The following RAB22A variants were observed in gnomAD, a reference collection of about 807,000 sequenced individuals.
RAB22A encodes RAB22A, member RAS oncogene family, also known as ras-related protein Rab-22A.
Under a neutral mutation model 30.2 loss-of-function variants are expected in RAB22A, and 13 were observed. The observed-to-expected ratio is 0.43, with a 90% confidence interval of 0.28 to 0.68. The LOEUF is 0.68. RAB22A is among the 30% of genes least tolerant of loss of function. The pLI is 0.18. For missense variants in RAB22A, 177 were observed against 246.8 expected (o/e 0.72, Z 1.89); for synonymous variants, 89 against 87.2 (o/e 1.02, Z -0.11).
At position 58,362,031 on chromosome 20, in the gene RAB22A, A is replaced by G. The variant is rs1987235906; in HGVS notation, c.*2328A>G. On this transcript the variant is annotated 3_prime_UTR_variant, in exon 7 of 7. Coordinates refer to ENST00000244040, the MANE Select transcript of RAB22A (RefSeq NM_020673.3). ...CATATGTAGGGTGTGATTCTGTTTT[A>G]TTATAGCCACATGTTTTATTAACAG... The G allele has an allele frequency of 6.6e-6, 1 of 152,022 alleles. No individual in the cohort carries two copies. Among genetic ancestry groups the G allele is most frequent in the Non-Finnish European group, 1.5e-5 (1 of 67,984 alleles). 9.4% of individuals were successfully genotyped at this position (152,022 alleles called of 1,614,324 possible).
chr20:58,365,537 A>T lies in RAB22A; in HGVS notation c.*5834A>T, dbSNP rs531975716. ...ATTCACTTACCTTGTATATGAACTT[A>T]TGACATTAGAGTTTGTGAAACTGTC... is the stretch of plus-strand genomic sequence containing the variant. On this transcript the variant is annotated 3_prime_UTR_variant, in exon 7 of 7. Transcript: ENST00000244040. 6.6e-6 allele frequency: 1 copy of T among 152,282 alleles called. No individual in the cohort carries two copies. The highest frequency in any genetic ancestry group is 6.5e-5 in the Admixed American group (1 of 15,292). The allele number at this position is 152,282 out of a possible 1,614,324, so 9.4% of individuals were successfully genotyped here. A position where few individuals can be genotyped will look rare whatever the true frequency, so the allele number is the denominator to read the frequency against.
Position 58,359,931 on chromosome 20 carries a change from C to T in RAB22A, c.*228C>T, listed in dbSNP as rs563422682. On this transcript the variant is annotated 3_prime_UTR_variant, in exon 7 of 7. Transcript: ENST00000244040. ...TCTCTAGTGTACAAAGGGACTACATCGTTGGCTTTTGACCTTGCTGAAAAG... is the reference window on the plus strand; with the variant it reads ...TCTCTAGTGTACAAAGGGACTACATTGTTGGCTTTTGACCTTGCTGAAAAG... 6 of 274,584 alleles carry T rather than the reference C, an allele frequency of 2.2e-5. No individual in the cohort carries two copies. The highest frequency in any genetic ancestry group is 1.1e-4 in the South Asian group (1 of 9,264). 17.0% of individuals were successfully genotyped at this position (274,584 alleles called of 1,614,324 possible). A position where few individuals can be genotyped will look rare whatever the true frequency, so the allele number is the denominator to read the frequency against.
Position 58,353,269 on chromosome 20 carries a change from G to A in RAB22A, c.199-4G>A, listed in dbSNP as rs377161697. 1.9e-6 allele frequency: 3 copies of A among 1,612,292 alleles called. No homozygotes were observed. The highest frequency in any genetic ancestry group is 1.3e-5 in the African/African-American group (1 of 74,788). On this transcript the variant is annotated splice_polypyrimidine_tract_variant and splice_region_variant and intron_variant, in intron 3 of 6. Coordinates refer to ENST00000244040, the MANE Select transcript of RAB22A (RefSeq NM_020673.3). The stretch of plus-strand genomic sequence containing the variant: ...TTTTGTTTATTTTTCCCCCTCCTCT[G>A]CAGTTTCGTGCCTTAGCACCAATGT...
At position 58,362,446 on chromosome 20, in the gene RAB22A, G is replaced by A. The variant is rs1033803673; in HGVS notation, c.*2743G>A. The A allele has an allele frequency of 6.6e-6, 1 of 152,162 alleles. No individual in the cohort carries two copies. The highest frequency in any genetic ancestry group is 2.4e-5 in the African/African-American group (1 of 41,434). The allele number at this position is 152,162 out of a possible 1,614,324, so 9.4% of individuals were successfully genotyped here. ...ATACTCCCATCTATAAACATGTTTG[G>A]TTTTCTTACGATACAGGGCCATTTT... On this transcript the variant is annotated 3_prime_UTR_variant, in exon 7 of 7. Transcript: ENST00000244040.
At chr20:58,331,672 C>G (rs1986662738) in intron 2 of RAB22A, among the ~76,000 whole-genome samples, 1 of 151,332 alleles carries the variant, frequency 6.6e-6, no homozygotes, top group African/African-American at 2.4e-5. Context: ...TTTTTTTAAT[C>G]CTTTGGTTTC....
rs1184221880 is a variant in RAB22A at position 58,361,067 on chromosome 20, T to G, written c.*1364T>G. The G allele has an allele frequency of 1.3e-5, 2 of 152,636 alleles. No homozygotes were observed. Among genetic ancestry groups the G allele is most frequent in the African/African-American group, 4.8e-5 (2 of 41,438 alleles). The allele number at this position is 152,636 out of a possible 1,614,324, so 9.5% of individuals were successfully genotyped here. The stretch of plus-strand genomic sequence containing the variant: ...CTGCCTCTGTTAGTGGTTAACACTC[T>G]TTTCCCTCAGGGAGCCTAATGAGGT... On this transcript the variant is annotated 3_prime_UTR_variant, in exon 7 of 7. Coordinates refer to ENST00000244040, the MANE Select transcript of RAB22A (RefSeq NM_020673.3).
In RAB22A at chr20:58,362,704, C is replaced by T. The variant is rs1488522897; in HGVS notation, c.*3001C>T. The T allele has an allele frequency of 6.6e-6, 1 of 152,234 alleles. No individual in the cohort carries two copies. The highest frequency in any genetic ancestry group is 6.5e-5 in the Admixed American group (1 of 15,284). The allele number at this position is 152,234 out of a possible 1,614,324, so 9.4% of individuals were successfully genotyped here. On this transcript the variant is annotated 3_prime_UTR_variant, in exon 7 of 7. Coordinates refer to ENST00000244040, the MANE Select transcript of RAB22A (RefSeq NM_020673.3). ...TTATGATTAAGTGTCCATCACCTGC[C>T]TGTCAGCCGTGGTCAGAATAAGTTT...
Position 58,353,434 on chromosome 20 carries a change from G to C in RAB22A, c.273G>C (p.Glu91Asp). The C allele has an allele frequency of 6.2e-7, 1 of 1,612,688 alleles. No individual in the cohort carries two copies. The highest frequency in any genetic ancestry group is 1.1e-5 in the South Asian group (1 of 91,042). ...GCTCTCTTTTTTGTGTGTTACAGGA[G>C]ACATTTTCAACATTAAAGAATTGGG... The part of the protein sequence containing the change: ...AIIVYDITKE[E>D]TFSTLKNWVK... The change falls in exon 5 of 7, where the codon GAG (glutamate) becomes GAC (aspartate). Residue 91 changes from glutamate (E) to aspartate (D), a missense_variant and splice_region_variant. By Grantham distance (45) the Glu-to-Asp change is conservative (BLOSUM62 2). Transcript: ENST00000244040.
chr20:58,310,328 C>T (rs1986199646), intron 1 of RAB22A, among the ~76,000 whole-genome samples: 1 of 152,142 alleles, frequency 6.6e-6, no homozygotes, highest in African/African-American at 2.4e-5. Context: ...AGTTTTCTCC[C>T]AACTTACCAA....
intron 3 of RAB22A, among the ~76,000 whole-genome samples, chr20:58,347,953 A>G (rs1273056937): frequency 6.6e-6 from 1 of 152,232 alleles, no homozygotes; most frequent in Non-Finnish European, 1.5e-5. Context: ...TTGGCCAGGC[A>G]TAGTGGCTCA....
intron 2 of RAB22A, among the ~76,000 whole-genome samples, chr20:58,328,169 A>G (rs1174572597): frequency 6.6e-6 from 1 of 152,054 alleles, no homozygotes; most frequent in Non-Finnish European, 1.5e-5. Context: ...TTTCTCAACT[A>G]TTTGCGAAAA....
intron 2 of RAB22A, among the ~76,000 whole-genome samples, chr20:58,317,206 C>T (rs372749904): frequency 3.0e-4 from 46 of 152,166 alleles, no homozygotes; most frequent in African/African-American, 1.1e-3. Context: ...AAGTGATTCT[C>T]CTGTTTCGAC....
intron 2 of RAB22A, among the ~76,000 whole-genome samples, chr20:58,332,648 T>C (rs1015102943): frequency 6.6e-6 from 1 of 152,078 alleles, no homozygotes; most frequent in Admixed American, 6.5e-5. Flanking sequence ...ACAATTGGCT[T>C]CCCTGAAAGA....
At chr20:58,355,405 G>A (rs573448197) in intron 6 of RAB22A, among the ~76,000 whole-genome samples, 1 of 151,994 alleles carries the variant, frequency 6.6e-6, no homozygotes, top group African/African-American at 2.4e-5. Context: ...GTTTAGATTT[G>A]GCCAATCATT....
chr20:58,335,141 G>A (rs1986726104), intron 2 of RAB22A, among the ~76,000 whole-genome samples: 1 of 152,154 alleles, frequency 6.6e-6, no homozygotes, highest in Admixed American at 6.5e-5. Context: ...AGACACAATA[G>A]AGTACCTATT....
At chr20:58,333,426 A>T (rs975856118) in intron 2 of RAB22A, among the ~76,000 whole-genome samples, 3 of 152,198 alleles carry the variant, frequency 2.0e-5, no homozygotes, top group African/African-American at 7.2e-5. Flanking sequence ...TTCAGACAAA[A>T]GCTGAGTTTG....
chr20:58,340,285 C>T (rs903657315), intron 2 of RAB22A, among the ~76,000 whole-genome samples: 3 of 152,106 alleles, frequency 2.0e-5, no homozygotes, highest in African/African-American at 7.2e-5. Flanking sequence ...TGCTGGTTGC[C>T]TGTGGGCTAG....
At chr20:58,336,938 A>G (rs1986766200) in intron 2 of RAB22A, among the ~76,000 whole-genome samples, 1 of 151,978 alleles carries the variant, frequency 6.6e-6, no homozygotes, top group South Asian at 2.1e-4. Flanking sequence ...CTTGACATTC[A>G]TGATTCTCTA....
chr20:58,310,385 C>T (rs529246614), intron 1 of RAB22A, among the ~76,000 whole-genome samples: 3 of 152,132 alleles, frequency 2.0e-5, no homozygotes, highest in Admixed American at 6.5e-5. Context: ...AAACCAATAA[C>T]AGGTCTTTAG....
Sources: gnomAD v4.1 joint callset for allele counts (sites outside exome capture counted in the v4.1 genomes callset) on GRCh38, gnomAD v4.1.1 for gene constraint, MANE v1.5 for transcripts, NCBI Gene and HGNC (gene_info 2026-07-23, HGNC 2026-07-21) for gene names.